CTNNAL1: variants seen among roughly 807,000 people sequenced by gnomAD.
CTNNAL1 encodes the protein alpha-catulin.
Under a neutral mutation model 93.6 loss-of-function variants are expected in CTNNAL1, and 69 were observed. The observed-to-expected ratio is 0.74, with a 90% confidence interval of 0.61 to 0.90. The LOEUF is 0.90. Ranked by LOEUF, CTNNAL1 falls within the 40% of genes least tolerant of loss-of-function variation. The probability of loss-of-function intolerance (pLI) is 0.00; values close to 1 mark genes in which losing one functional copy is unlikely to be tolerated. For missense variants in CTNNAL1, 836 were observed against 862.0 expected (o/e 0.97, Z 0.38); for synonymous variants, 286 against 305.4 (o/e 0.94, Z 0.66).
intron 4 of CTNNAL1, among the ~76,000 whole-genome samples, chr9:108,985,162 A>G (rs768338507): frequency 6.6e-6 from 1 of 152,226 alleles, no homozygotes; most frequent in Non-Finnish European, 1.5e-5. Context: ...TTTGGTTATT[A>G]TATCTAAATC....
chr9:108,971,709 T>C (rs1831121772), intron 9 of CTNNAL1, among the ~76,000 whole-genome samples: 1 of 152,224 alleles, frequency 6.6e-6, no homozygotes, highest in Non-Finnish European at 1.5e-5. Context: ...CTTTATAAAT[T>C]ACCCAGTCTT....
At chr9:108,972,868 G>GGGCCCCACGGGT in intron 8 of CTNNAL1, 35 bp from the exon 9 acceptor site, 1 of 1,092,792 alleles carries the variant, frequency 9.2e-7, no homozygotes, top group Non-Finnish European at 1.2e-6. Flanking sequence ...GGGTGGGAGG[G>GGGCCCCACGGGT]TGGAGAAGGA....
Position 108,983,242 on chromosome 9 carries a change from G to A in CTNNAL1, c.803C>T (p.Ala268Val). 6.3e-7 allele frequency: 1 copy of A among 1,597,378 alleles called. No homozygotes were observed. Among genetic ancestry groups the A allele is most frequent in the African/African-American group, 1.3e-5 (1 of 74,214 alleles). The change falls in exon 6 of 19, where the codon GCA (alanine) becomes GTA (valine). Residue 268 changes from alanine to valine, a missense_variant. By Grantham distance (64) the Ala-to-Val change is moderately conservative. Transcript: ENST00000325551. ...CACAATTTCAATGACCTTATCCAATGCCACTTTCATACGGTCAAATACTCC... is the reference window on the plus strand; with the variant it reads ...CACAATTTCAATGACCTTATCCAATACCACTTTCATACGGTCAAATACTCC... ...KEGVFDRMKV[A>V]LDKVIEIVTD... is the part of the protein sequence containing the mutation.
At position 108,994,352 on chromosome 9, in the gene CTNNAL1, T is replaced by A. The variant is rs533463556; in HGVS notation, c.332-1533A>T. On this transcript the variant is annotated intron_variant, in intron 2 of 18. Transcript: ENST00000325551. Reference sequence around the variant, plus strand: ...AATAGTAGGGACCTTACTAGTATAGTAGCCATAGGAACATTAAGAAGATGA... The same window carrying A: ...AATAGTAGGGACCTTACTAGTATAGAAGCCATAGGAACATTAAGAAGATGA... Among the ~76,000 whole-genome samples the A allele has an allele frequency of 3.9e-5, 6 of 152,238 alleles. No individual in the cohort carries two copies. The East Asian group carries it at 1.2e-3, about 29-fold the overall frequency.
chr9:108,983,056 C>G, intron 6 of CTNNAL1, 89 bp downstream of exon 6: 1 of 1,150,612 alleles, frequency 8.7e-7, no homozygotes, highest in East Asian at 3.6e-5. Flanking sequence ...CCAGCCTGGG[C>G]AACAGAGCGA....
intron 12 of CTNNAL1, among the ~76,000 whole-genome samples, chr9:108,955,267 T>C (rs1292651265): frequency 6.6e-6 from 1 of 152,186 alleles, no homozygotes; most frequent in Non-Finnish European, 1.5e-5. Flanking sequence ...ATTACAGGCA[T>C]AAGACACCGT....
intron 8 of CTNNAL1, 31 bp from the exon 9 acceptor site, chr9:108,972,864 G>GGGGGGGGGGGCCCCCCCCCCCC: frequency 3.5e-5 from 5 of 142,498 alleles, no homozygotes; most frequent in East Asian, 2.2e-4. Flanking sequence ...GGGGGGGTGG[G>GGGGGGGGGGGCCCCCCCCCCCC]AGGGTGGAGA....
At chr9:108,994,822 C>G (rs541093903) in intron 2 of CTNNAL1, among the ~76,000 whole-genome samples, 1 of 152,276 alleles carries the variant, frequency 6.6e-6, no homozygotes, top group African/African-American at 2.4e-5. Context: ...CTGGGTTGCT[C>G]TCTCTCTCTG....
At chr9:109,007,234 C>CAAAAAAGAA (rs1362668832) in intron 1 of CTNNAL1, among the ~76,000 whole-genome samples, 2 of 147,168 alleles carry the variant, frequency 1.4e-5, no homozygotes, top group African/African-American at 5.0e-5. Context: ...GACTCCATCA[C>CAAAAAAGAA]AAAAAAGAAA....
rs201519044 is a variant in CTNNAL1, at chr9:108,942,781, A to C, written c.2193T>G (p.Asp731Glu). 26 of 1,610,686 alleles carry C rather than the reference A, an allele frequency of 1.6e-5. No individual in the cohort carries two copies. The highest frequency in any genetic ancestry group is 2.2e-5 in the Non-Finnish European group (26 of 1,177,246). Residue 731 changes from aspartate to glutamate, a missense_variant, in exon 19 of 19, where the codon GAT (aspartate) becomes GAG (glutamate). By Grantham distance (45) the Asp-to-Glu change is conservative. Coordinates refer to ENST00000325551, the MANE Select transcript of CTNNAL1 (RefSeq NM_003798.4). ...WVSVTNKDTM[D>E]SKT ...CCCCAAAAGCTTCTCAAGTTTTACT[A>C]TCCATAGTGTCCTTATTTGTAACTG...
intron 14 of CTNNAL1, chr9:108,950,393 G>T: frequency 8.7e-7 from 1 of 1,152,994 alleles, no homozygotes; most frequent in South Asian, 1.7e-5. Flanking sequence ...ACAATGGAAG[G>T]AAACCACCAA....
chr9:108,948,299 A>G, intron 14 of CTNNAL1, 65 bp from the exon 15 acceptor site: 2 of 1,488,492 alleles, frequency 1.3e-6, no homozygotes, highest in Non-Finnish European at 1.8e-6. Flanking sequence ...ACTTTATAAT[A>G]TTAAAATTTT....
intron 11 of CTNNAL1, among the ~76,000 whole-genome samples, chr9:108,958,826 A>G (rs1232989279): frequency 6.6e-6 from 1 of 151,934 alleles, no homozygotes; most frequent in Non-Finnish European, 1.5e-5. Context: ...CCTGGGTTCA[A>G]GCGATTCTCG....
At chr9:109,003,838 G>GT (rs1286984052) in intron 1 of CTNNAL1, among the ~76,000 whole-genome samples, 1 of 152,148 alleles carries the variant, frequency 6.6e-6, no homozygotes, top group Non-Finnish European at 1.5e-5. Flanking sequence ...ATGGGAAGAG[G>GT]TTACTTGCAG....
intron 6 of CTNNAL1, among the ~76,000 whole-genome samples, chr9:108,979,929 C>T (rs1007747486): frequency 1.3e-5 from 2 of 152,184 alleles, no homozygotes; most frequent in African/African-American, 2.4e-5. Flanking sequence ...CTGGGGAAGA[C>T]ATCCATTTTT....
At chr9:109,011,866 C>T (rs1254507413) in intron 1 of CTNNAL1, among the ~76,000 whole-genome samples, 3 of 152,218 alleles carry the variant, frequency 2.0e-5, no homozygotes, top group African/African-American at 7.2e-5. Context: ...ACATAGTAAG[C>T]ATTACATAGG....
intron 15 of CTNNAL1, among the ~76,000 whole-genome samples, chr9:108,946,297 C>CA (rs35064357): frequency 0.3 from 28,438 of 94,798 alleles, 3,891 homozygotes; most frequent in Admixed American, 0.4. Context: ...GACTAAGTCT[C>CA]AAAAAAAAAA....
intron 1 of CTNNAL1, among the ~76,000 whole-genome samples, chr9:109,004,772 C>T (rs147374747): frequency 4.6e-5 from 7 of 150,846 alleles, no homozygotes; most frequent in East Asian, 1.9e-4. Context: ...GGTGACAGAG[C>T]GAGACTCTGT....
At chr9:109,005,570 C>T (rs1057368193) in intron 1 of CTNNAL1, among the ~76,000 whole-genome samples, 2 of 152,140 alleles carry the variant, frequency 1.3e-5, no homozygotes, top group African/African-American at 4.8e-5. Context: ...AGTGAGAAGA[C>T]AGCTGTCCAT....
Sources: allele counts gnomAD v4.1 joint callset (sites outside exome capture counted in the v4.1 genomes callset), GRCh38; gene constraint gnomAD v4.1.1; transcripts MANE v1.5; gene names NCBI Gene and HGNC (gene_info 2026-07-23, HGNC 2026-07-21).